The following ZNF208 variants were observed in gnomAD, a reference collection of about 807,000 sequenced individuals.
The protein encoded by ZNF208 is zinc finger protein 95.
Under a neutral mutation model 12.1 loss-of-function variants are expected in ZNF208, and 10 were observed. The ratio of observed to expected loss-of-function variants is 0.83; its 90% confidence interval spans 0.51 to 1.40. ZNF208 has a LOEUF of 1.40. Ranked by LOEUF, ZNF208 falls within the 40% of genes most tolerant of loss-of-function variation. The pLI, the probability that ZNF208 is intolerant of heterozygous loss-of-function variation, is 0.00. For synonymous variants in ZNF208, 497 were observed against 488.4 expected (o/e 1.02, Z -0.23); for missense variants, 1,652 against 1,485.0 (o/e 1.11, Z -1.85).
chr19:21,990,381 A>T lies in ZNF208; in HGVS notation c.4-1472T>A, dbSNP rs140328048. On this transcript the variant is annotated intron_variant, in intron 1 of 3. Transcript: ENST00000397126. ...CTTCTTTTTCTCAGGTTTGTCAAAG[A>T]TCAGATAGTTGTAGATATCCAGCAT... 7.7e-3 allele frequency among the ~76,000 whole-genome samples: 1,171 copies of T among 152,316 alleles called. 9 individuals are homozygous for T. Among genetic ancestry groups the T allele is most frequent in the African/African-American group, 0.026 (1,097 of 41,556 alleles).
intron 4 of ZNF208, among the ~76,000 whole-genome samples, chr19:21,957,994 C>T (rs1163124807): frequency 1.3e-5 from 2 of 151,946 alleles, no homozygotes; most frequent in African/African-American, 4.8e-5. Context: ...CTTCCCACCA[C>T]CCCATAACAG....
At position 21,971,899 on chromosome 19, in the gene ZNF208, A is replaced by G. The variant is rs754711158; in HGVS notation, c.3135T>C (p.Thr1045=). Reference sequence around the variant, plus strand: ...CTCCAGCATGAGTTGCCTTATGTTCAGTAAGGCTTGAGGGCCAGCTGAAGG... The same window carrying G: ...CTCCAGCATGAGTTGCCTTATGTTCGGTAAGGCTTGAGGGCCAGCTGAAGG... ...DKAFSWPSSL[T]EHKATHAGEK... is the part of the protein sequence containing the mutation. The change falls in exon 4 of 4, where the codon ACT becomes ACC. Residue 1045 remains threonine, a synonymous_variant. Transcript: ENST00000397126. 6.5e-7 allele frequency: 1 copy of G among 1,529,274 alleles called. No homozygotes were observed. Among genetic ancestry groups the G allele is most frequent in the South Asian group, 1.1e-5 (1 of 87,774 alleles). 94.7% of individuals were successfully genotyped at this position (1,529,274 alleles called of 1,614,324 possible).
intron 1 of ZNF208, among the ~76,000 whole-genome samples, chr19:21,999,302 G>C (rs757791774): frequency 6.6e-6 from 1 of 151,958 alleles, no homozygotes; most frequent in Non-Finnish European, 1.5e-5. Flanking sequence ...AAATAACTAA[G>C]GAATTCAATC....
chr19:21,981,861 T>C (rs1008640825), intron 3 of ZNF208, among the ~76,000 whole-genome samples: 2 of 152,178 alleles, frequency 1.3e-5, no homozygotes, highest in African/African-American at 4.8e-5. Context: ...TTCAGCAAAG[T>C]CTCAGAATAC....
In ZNF208 at chr19:21,973,119, A is replaced by T. The variant is rs1024945733; in HGVS notation, c.1915T>A (p.Cys639Ser). The change falls in exon 4 of 4, where the codon TGT becomes AGT. Residue 639 changes from cysteine (C) to serine (S), a missense_variant. Physicochemically the swap from Cys to Ser is moderately radical, Grantham distance 112 (BLOSUM62 -1). Transcript: ENST00000397126. ...ATAAAGGTTTTGCCACATTCTTTAC[A>T]TTTGTAGGGCTTCTCTCCAGCATGA... ...AIHAGEKPYK[C>S]KECGKTFIKV... 6.2e-7 allele frequency: 1 copy of T among 1,613,186 alleles called. No homozygotes were observed. Among genetic ancestry groups the T allele is most frequent in the African/African-American group, 1.3e-5 (1 of 74,808 alleles).
chr19:21,980,565 A>G (rs781124894), intron 3 of ZNF208, among the ~76,000 whole-genome samples: 10 of 152,170 alleles, frequency 6.6e-5, no homozygotes, highest in Non-Finnish European at 1.2e-4. Context: ...GACACAGACA[A>G]AGCAGTGTCT....
rs762962527 is a variant in ZNF208 at position 21,972,945 on chromosome 19, C to T, written c.2089G>A (p.Glu697Lys). 2 of 1,613,776 alleles carry T rather than the reference C, an allele frequency of 1.2e-6. No individual in the cohort carries two copies. The highest frequency in any genetic ancestry group is 2.7e-5 in the African/African-American group (2 of 75,044). ...GACCAGTTGAAAGCTTTGCCACATT[C>T]TTCACATTTGTAGGGTTTCTCTCCA... ...HTGEKPYKCE[E>K]CGKAFNWSSN... Residue 697 changes from glutamate (E) to lysine (K), a missense_variant, in exon 4 of 4, where the codon GAA becomes AAA. Physicochemically the swap from Glu to Lys is moderately conservative, Grantham distance 56 (BLOSUM62 1). Coordinates refer to ENST00000397126, the MANE Select transcript of ZNF208 (RefSeq NM_007153.3).
intron 2 of ZNF208, 68 bp from the exon 3 acceptor site, chr19:21,987,379 T>A (rs1970646462): frequency 1.9e-5 from 27 of 1,447,156 alleles, no homozygotes; most frequent in Non-Finnish European, 2.2e-5. Flanking sequence ...AGTAATGTGC[T>A]CAGTAAAGAG....
At chr19:21,942,636 A>ACTTTTCTTTCTTT (rs1172506822) in intron 4 of ZNF208, among the ~76,000 whole-genome samples, 2 of 151,910 alleles carry the variant, frequency 1.3e-5, no homozygotes, top group Admixed American at 6.6e-5. Flanking sequence ...TGTTTGTATG[A>ACTTTTCTTTCTTT]CTTTTCTTTC....
At chr19:21,950,959 A>G (rs1330648165) in intron 4 of ZNF208, among the ~76,000 whole-genome samples, 7 of 152,232 alleles carry the variant, frequency 4.6e-5, no homozygotes, top group Non-Finnish European at 4.4e-5. Flanking sequence ...TGGTGTACAA[A>G]TAAGCACTTA....
intron 4 of ZNF208, among the ~76,000 whole-genome samples, chr19:21,957,486 C>T (rs1335418035): frequency 2.6e-5 from 4 of 152,170 alleles, no homozygotes; most frequent in African/African-American, 7.2e-5. Context: ...TGGTCTCATA[C>T]CTTGTCTACA....
chr19:21,948,166 A>T (rs1475021382), intron 4 of ZNF208, among the ~76,000 whole-genome samples: 1 of 152,122 alleles, frequency 6.6e-6, no homozygotes, highest in Non-Finnish European at 1.5e-5. Context: ...TACAGTTTGC[A>T]TTCCCCTCTA....
In ZNF208 at chr19:21,972,125, T is replaced by C; in HGVS notation, c.2909A>G (p.Glu970Gly). ...ACATTCTTCATATTTGTAAGGTTTCTCTTCAGTATGAATTTTCTTATGATA... is the reference window on the plus strand; with the variant it reads ...ACATTCTTCATATTTGTAAGGTTTCCCTTCAGTATGAATTTTCTTATGATA... ...LSYHKKIHTE[E>G]KPYKYEECGK... Residue 970 changes from glutamate to glycine, a missense_variant, in exon 4 of 4, where the codon GAG becomes GGG. Transcript: ENST00000397126. 1 of 1,610,070 alleles carries C rather than the reference T, an allele frequency of 6.2e-7. No homozygotes were observed. Among genetic ancestry groups the C allele is most frequent in the Non-Finnish European group, 8.5e-7 (1 of 1,177,500 alleles).
intron 1 of ZNF208, among the ~76,000 whole-genome samples, chr19:21,995,077 A>G (rs971484702): frequency 9.3e-5 from 14 of 150,852 alleles, no homozygotes; most frequent in African/African-American, 3.4e-4. Context: ...TCAGCCTCCC[A>G]AGTAGCCAGG....
At chr19:22,006,416 T>C (rs1057135) in intron 1 of ZNF208, among the ~76,000 whole-genome samples, 6 of 152,108 alleles carry the variant, frequency 3.9e-5, no homozygotes, top group African/African-American at 9.7e-5. Flanking sequence ...ACCTCTCGAA[T>C]CTGCCTCAAA....
intron 3 of ZNF208, among the ~76,000 whole-genome samples, chr19:21,986,272 C>T (rs1970626882): frequency 6.6e-6 from 1 of 151,968 alleles, no homozygotes; most frequent in African/African-American, 2.4e-5. Context: ...TATAAAAAAC[C>T]ATAAACAGTA....
chr19:21,970,883 CTA>C lies in ZNF208; in HGVS notation c.*306_*307del, dbSNP rs1185008320. ...AGGGTTTCTCTCCAGTATGAATTTT[CTA>C]TGATAACTGAGGGTTGAGGACCACT... On this transcript the variant is annotated 3_prime_UTR_variant, in exon 4 of 4. Coordinates refer to ENST00000397126, the MANE Select transcript of ZNF208 (RefSeq NM_007153.3). 3.3e-6 allele frequency: 5 copies of C among 1,520,646 alleles called. No homozygotes were observed. Among genetic ancestry groups the C allele is most frequent in the Non-Finnish European group, 4.6e-6 (5 of 1,098,128 alleles). 94.2% of individuals were successfully genotyped at this position (1,520,646 alleles called of 1,614,324 possible). A position where few individuals can be genotyped will look rare whatever the true frequency, so the allele number is the denominator to read the frequency against.
rs1266174270 is a variant in ZNF208 at position 21,966,600 on chromosome 19, A to C, written c.*4591T>G. On this transcript the variant is annotated 3_prime_UTR_variant, in exon 4 of 4. Coordinates refer to ENST00000397126, the MANE Select transcript of ZNF208 (RefSeq NM_007153.3). ...TGGTGTCTCTTTGGCAAAATTATTT[A>C]TTCTTTTTGGGGGCAGATATCCAGT... The C allele has an allele frequency of 2.6e-5, 4 of 152,098 alleles. No individual in the cohort carries two copies. Among genetic ancestry groups the C allele is most frequent in the African/African-American group, 9.7e-5 (4 of 41,444 alleles). 9.4% of individuals were successfully genotyped at this position (152,098 alleles called of 1,614,324 possible).
rs1364291168 is a variant in ZNF208, at chr19:21,971,506, T to A, written c.3528A>T (p.Lys1176Asn). Residue 1176 changes from lysine (K) to asparagine (N), a missense_variant, in exon 4 of 4, where the codon AAA becomes AAT. This residue lies in a region of ZNF208 where 1,239 missense variants were observed against 1,086.2 expected (regional missense o/e 1.14). Coordinates refer to ENST00000397126, the MANE Select transcript of ZNF208 (RefSeq NM_007153.3). ...CAAGGATTGAGAACATAACAAAGCC[T>A]TTGCCACATTCTTCACATTTGTAGG... is the stretch of plus-strand genomic sequence containing the variant. ...EKPYKCEECG[K>N]GFVMFSILAK... is the part of the protein sequence containing the mutation. The A allele has an allele frequency of 3.7e-6, 6 of 1,610,980 alleles. No homozygotes were observed. Among genetic ancestry groups the A allele is most frequent in the Non-Finnish European group, 5.1e-6 (6 of 1,179,814 alleles).
Sources: gnomAD v4.1 joint callset for allele counts (sites outside exome capture counted in the v4.1 genomes callset) on GRCh38, gnomAD v4.1.1 for gene constraint, gnomAD v4.1.1 regional missense constraint, MANE v1.5 for transcripts, NCBI Gene and HGNC (gene_info 2026-07-23, HGNC 2026-07-21) for gene names.